Variants in SEC23B observed in about 807,000 individuals in gnomAD.
SEC23B encodes the protein protein transport protein Sec23B.
In SEC23B, 77 loss-of-function variants were observed where a neutral mutation model predicts 104.3. The observed-to-expected ratio is 0.74, with a 90% confidence interval of 0.61 to 0.89. The LOEUF (loss-of-function observed/expected upper bound fraction) is 0.89, where lower values mean the gene tolerates loss of function less well. Ranked by LOEUF, SEC23B falls within the 40% of genes least tolerant of loss-of-function variation. The pLI is 0.00. For synonymous variants in SEC23B, 338 were observed against 332.5 expected, an observed-to-expected ratio of 1.02 and a Z score of -0.18; for missense variants, 885 against 949.4, an observed-to-expected ratio of 0.93 and a Z score of 0.89.
At chr20:18,513,013 C>T (rs573286971) in intron 3 of SEC23B, among the ~76,000 whole-genome samples, 159 of 152,114 alleles carry the variant, frequency 1.0e-3, no homozygotes, top group African/African-American at 3.6e-3. Context: ...GTGAAATCCC[C>T]TCTCTACTAA....
chr20:18,529,364 T>TCC (rs1481390192), intron 9 of SEC23B, among the ~76,000 whole-genome samples: 1 of 152,190 alleles, frequency 6.6e-6, no homozygotes, highest in African/African-American at 2.4e-5. Context: ...GGGAGGAAGC[T>TCC]CCCAATGCTG....
chr20:18,515,974 T>A (rs1164671076), intron 4 of SEC23B: 1 of 491,256 alleles, frequency 2.0e-6, no homozygotes, highest in African/African-American at 2.0e-5. Flanking sequence ...TGTAGCCTTC[T>A]TCATCTCAGT....
chr20:18,542,229 A>G (rs1189431125), intron 12 of SEC23B, 67 bp from the exon 13 acceptor site: 1 of 1,302,842 alleles, frequency 7.7e-7, no homozygotes, highest in African/African-American at 1.5e-5. Context: ...AGAAGAGTAC[A>G]GTGGGCTCTG....
At chr20:18,526,605 A>G (rs559642622) in intron 8 of SEC23B, 74 bp downstream of exon 8, 13 of 1,515,530 alleles carry the variant, frequency 8.6e-6, no homozygotes, top group South Asian at 2.3e-5. Flanking sequence ...AGTGACAGCT[A>G]CTTTGCCAAG....
chr20:18,524,784 A>G (rs2060119769), intron 5 of SEC23B, 115 bp downstream of exon 5: 1 of 1,203,814 alleles, frequency 8.3e-7, no homozygotes, highest in Admixed American at 1.8e-5. Context: ...ATCATTGCTC[A>G]ATGGCTCAAG....
At chr20:18,522,906 A>G (rs959129588) in intron 4 of SEC23B, among the ~76,000 whole-genome samples, 6 of 151,720 alleles carry the variant, frequency 4.0e-5, no homozygotes, top group African/African-American at 1.2e-4. Context: ...AAATACAAAA[A>G]AAATTTAAAA....
At position 18,524,474 on chromosome 20, in the gene SEC23B, C is replaced by T; in HGVS notation, c.408C>T (p.Asp136=). 6.2e-7 allele frequency: 1 copy of T among 1,614,144 alleles called. No homozygotes were observed. The highest frequency in any genetic ancestry group is 1.1e-5 in the South Asian group (1 of 91,090). The stretch of plus-strand genomic sequence containing the variant: ...CTCTGATCTTTCTCTATGTGGTTGA[C>T]ACATGCCTGGAGGAAGATGACCTTC... The part of the protein sequence containing the change: ...QSPLIFLYVV[D]TCLEEDDLQA... Residue 136 remains aspartate, a synonymous_variant, in exon 5 of 20, where the codon GAC becomes GAT. Coordinates refer to ENST00000650089, the MANE Select transcript of SEC23B (RefSeq NM_006363.6).
At chr20:18,542,155 A>G in intron 12 of SEC23B, 141 bp from the exon 13 acceptor site, 1 of 806,124 alleles carries the variant, frequency 1.2e-6, no homozygotes, top group Non-Finnish European at 2.2e-6. Flanking sequence ...GAAATGTGCA[A>G]ATCCTAAGTG....
intron 4 of SEC23B, 87 bp from the exon 5 acceptor site, chr20:18,524,346 T>TA (rs1268298729): frequency 5.3e-6 from 5 of 940,128 alleles, no homozygotes; most frequent in African/African-American, 1.6e-5. Flanking sequence ...GATGAAGACT[T>TA]ACAATTTTCA....
chr20:18,510,438 A>G (rs1419462317), intron 1 of SEC23B, among the ~76,000 whole-genome samples: 1 of 152,232 alleles, frequency 6.6e-6, no homozygotes, highest in Admixed American at 6.5e-5. Context: ...GTCATTCTAC[A>G]GCAACAGGTT....
intron 17 of SEC23B, among the ~76,000 whole-genome samples, chr20:18,551,544 T>G (rs924354602): frequency 6.6e-5 from 10 of 151,852 alleles, no homozygotes; most frequent in Admixed American, 4.6e-4. Flanking sequence ...CAAAACCCCA[T>G]CTCTACTAAA....
At chr20:18,516,697 G>T (rs1453387998) in intron 4 of SEC23B, among the ~76,000 whole-genome samples, 1 of 151,666 alleles carries the variant, frequency 6.6e-6, no homozygotes, top group Admixed American at 6.6e-5. Flanking sequence ...GATTACAGGC[G>T]CCTGCCACCA....
intron 4 of SEC23B, among the ~76,000 whole-genome samples, chr20:18,523,724 A>G (rs2060107792): frequency 6.7e-6 from 1 of 149,068 alleles, no homozygotes; most frequent in African/African-American, 2.5e-5. Context: ...TTTTTTTTTA[A>G]GATGGGGTCT....
At position 18,510,825 on chromosome 20, in the gene SEC23B, C is replaced by T; in HGVS notation, c.-11C>T. 1 of 1,610,976 alleles carries T rather than the reference C, an allele frequency of 6.2e-7. No homozygotes were observed. Among genetic ancestry groups the T allele is most frequent in the East Asian group, 2.2e-5 (1 of 44,874 alleles). Reference sequence around the variant, plus strand: ...GTAATTAAAGTTTTATCTTCAGTTCCCTTTTAGACTATGGCGACATACCTG... The same window carrying T: ...GTAATTAAAGTTTTATCTTCAGTTCTCTTTTAGACTATGGCGACATACCTG... On this transcript the variant is annotated 5_prime_UTR_variant, in exon 2 of 20. Transcript: ENST00000650089.
chr20:18,560,434 G>A (rs1363241491), intron 19 of SEC23B, among the ~76,000 whole-genome samples: 2 of 152,182 alleles, frequency 1.3e-5, no homozygotes, highest in Non-Finnish European at 2.9e-5. Flanking sequence ...CTAGCAGGCG[G>A]TGGTGGCCTG....
chr20:18,523,209 C>T (rs2060100257), intron 4 of SEC23B, among the ~76,000 whole-genome samples: 2 of 152,052 alleles, frequency 1.3e-5, no homozygotes, highest in South Asian at 2.1e-4. Flanking sequence ...CTAGTGTCCT[C>T]GTTCAGCCCA....
intron 15 of SEC23B, among the ~76,000 whole-genome samples, chr20:18,546,268 G>A (rs977429708): frequency 8.5e-5 from 13 of 152,058 alleles, no homozygotes; most frequent in African/African-American, 2.7e-4. Context: ...TCATGAACAG[G>A]CAAAATAGGA....
intron 7 of SEC23B, 137 bp from the exon 8 acceptor site, chr20:18,526,236 C>A: frequency 1.0e-6 from 1 of 985,836 alleles, no homozygotes; most frequent in Non-Finnish European, 1.6e-6. Context: ...GCATTATCAT[C>A]TGTATTATTC....
At chr20:18,522,989 C>T (rs2060097734) in intron 4 of SEC23B, among the ~76,000 whole-genome samples, 2 of 151,936 alleles carry the variant, frequency 1.3e-5, no homozygotes, top group Non-Finnish European at 2.9e-5. Flanking sequence ...ATAGCGTGAA[C>T]CCAGGAGGTG....
Sources: gnomAD v4.1 joint callset for allele counts (sites outside exome capture counted in the v4.1 genomes callset) on GRCh38, gnomAD v4.1.1 for gene constraint, MANE v1.5 for transcripts, NCBI Gene and HGNC (gene_info 2026-07-23, HGNC 2026-07-21) for gene names.